The following VTI1A variants were observed in gnomAD, a reference collection of about 807,000 sequenced individuals.
The protein encoded by VTI1A is vesicle transport through interaction with t-SNAREs homolog 1A.
A neutral mutation model predicts 34.9 loss-of-function variants in VTI1A; 22 were observed. The observed-to-expected ratio is 0.63, with a 90% CI of 0.45 to 0.90. The LOEUF (loss-of-function observed/expected upper bound fraction) is 0.90, where lower values mean the gene tolerates loss of function less well. Among genes scored for constraint, VTI1A ranks in the 40% least tolerant of loss-of-function variants. The pLI is 0.00. For synonymous variants in VTI1A, 87 were observed against 97.3 expected, an observed-to-expected ratio of 0.89 and a Z score of 0.62; for missense variants, 268 against 275.6, an observed-to-expected ratio of 0.97 and a Z score of 0.20.
chr10:112,775,936 GTTAA>G (rs1429946099), intron 7 of VTI1A, among the ~76,000 whole-genome samples: 1 of 152,186 alleles, frequency 6.6e-6, no homozygotes, highest in East Asian at 1.9e-4. Context: ...ACAGTTCCTT[GTTAA>G]TTAATTTATA....
intron 5 of VTI1A, among the ~76,000 whole-genome samples, chr10:112,539,863 A>G (rs985379232): frequency 3.3e-5 from 5 of 152,244 alleles, no homozygotes; most frequent in Admixed American, 2.6e-4. Context: ...ACAGGCATTT[A>G]TCTTTATCTC....
At chr10:112,844,002 G>C in the VTI1A span, among the ~76,000 whole-genome samples, 2 of 152,148 alleles carry the variant, frequency 1.3e-5, no homozygotes, top group African/African-American at 4.8e-5. Context: ...GGGTGTTCAG[G>C]AGGAGGAAGG....
At chr10:112,589,232 G>A (rs771941593) in intron 5 of VTI1A, among the ~76,000 whole-genome samples, 12 of 151,938 alleles carry the variant, frequency 7.9e-5, no homozygotes, top group Non-Finnish European at 1.5e-4. Context: ...TTATTCCCAC[G>A]TGTTGTGGGA....
intron 3 of VTI1A, among the ~76,000 whole-genome samples, chr10:112,483,984 C>T (rs1848534195): frequency 6.6e-6 from 1 of 152,210 alleles, no homozygotes; most frequent in South Asian, 2.1e-4. Context: ...CTAAATCATG[C>T]TCCGTTATAG....
chr10:112,656,318 TAGA>T lies in VTI1A; in HGVS notation c.428-11895_428-11893del, dbSNP rs1264312868. ...TTATTCTCAGGGTTAGATAAATGAA[TAGA>T]AGAAATAACATTTTGTTGAAAAATT... is the stretch of plus-strand genomic sequence containing the variant. On this transcript the variant is annotated intron_variant, in intron 5 of 7. Coordinates refer to ENST00000393077, the MANE Select transcript of VTI1A (RefSeq NM_145206.4). Among the ~76,000 whole-genome samples the T allele has an allele frequency of 2.6e-5, 4 of 151,962 alleles. No homozygotes were observed. The South Asian group carries it at 8.3e-4, about 32-fold the overall frequency.
Position 112,548,935 on chromosome 10 carries a change from A to G in VTI1A, c.427+10605A>G, listed in dbSNP as rs1851240297. 6.7e-6 allele frequency: 5 copies of G among 748,194 alleles called. No homozygotes were observed. In the South Asian group the frequency reaches 8.4e-5, roughly 13 times the overall value. The allele number at this position is 748,194 out of a possible 1,614,324, so 46.3% of individuals were successfully genotyped here. A position where few individuals can be genotyped will look rare whatever the true frequency, so the allele number is the denominator to read the frequency against. On this transcript the variant is annotated intron_variant, in intron 5 of 7. Coordinates refer to ENST00000393077, the MANE Select transcript of VTI1A (RefSeq NM_145206.4). ...TCCACTGACATTTTCTTCTACTTCT[A>G]CCTCCTCCTCATAATTATATCTTTC...
chr10:112,632,076 TTAG>T (rs1328756406), intron 5 of VTI1A, among the ~76,000 whole-genome samples: 1 of 152,214 alleles, frequency 6.6e-6, no homozygotes, highest in African/African-American at 2.4e-5. Context: ...TTTCTCCAAG[TTAG>T]TGTCCATCAG....
At chr10:112,463,878 A>G (rs964419891) in intron 2 of VTI1A, among the ~76,000 whole-genome samples, 2 of 152,232 alleles carry the variant, frequency 1.3e-5, no homozygotes, top group African/African-American at 2.4e-5. Flanking sequence ...TTATCTTCCC[A>G]TAGTTGTGGA....
chr10:112,655,136 A>AC (rs1847183574), intron 5 of VTI1A, among the ~76,000 whole-genome samples: 2 of 151,576 alleles, frequency 1.3e-5, no homozygotes, highest in South Asian at 4.2e-4. Flanking sequence ...TTGTCCCTCC[A>AC]CCCCCCATAC....
intron 7 of VTI1A, among the ~76,000 whole-genome samples, chr10:112,799,665 A>G (rs888080940): frequency 2.0e-5 from 3 of 152,034 alleles, no homozygotes; most frequent in Admixed American, 2.0e-4. Flanking sequence ...CTGTTATCTG[A>G]TCGTTACCCC....
rs1007657040 is a variant in VTI1A at position 112,799,889 on chromosome 10, G to A, written c.561-15401G>A. ...AGCAGGGCACCCCTCCACCTGGGCTGGGGGGACTAGACAAGGAGCAGTGGC... is the reference window on the plus strand; with the variant it reads ...AGCAGGGCACCCCTCCACCTGGGCTAGGGGGACTAGACAAGGAGCAGTGGC... On this transcript the variant is annotated intron_variant, in intron 7 of 7. Transcript: ENST00000393077. Among the ~76,000 whole-genome samples, 14 of 152,228 alleles carry A rather than the reference G, an allele frequency of 9.2e-5. No individual in the cohort carries two copies. In the Middle Eastern group the frequency reaches 0.014, roughly 148 times the overall value.
At chr10:112,614,577 T>C (rs1192188863) in intron 5 of VTI1A, among the ~76,000 whole-genome samples, 1 of 152,208 alleles carries the variant, frequency 6.6e-6, no homozygotes, top group East Asian at 1.9e-4. Context: ...AGGGGGTTTG[T>C]TTTCTGTACC....
chr10:112,840,928 A>G, the VTI1A span, among the ~76,000 whole-genome samples: 296 of 152,266 alleles, frequency 1.9e-3, 1 homozygote, highest in Non-Finnish European at 2.9e-3. Flanking sequence ...AGAAGACTAA[A>G]TGAGCTAATT....
At position 112,798,544 on chromosome 10, in the gene VTI1A, C is replaced by T. The variant is rs1362074780; in HGVS notation, c.561-16746C>T. Among the ~76,000 whole-genome samples the T allele has an allele frequency of 2.6e-5, 4 of 152,092 alleles. No individual in the cohort carries two copies. In the East Asian group the frequency reaches 7.7e-4, roughly 29 times the overall value. ...TTTGACTTAGTCTGTATGAAGATCC[C>T]TCCTAATTCATGGGTGATTTTCCTA... On this transcript the variant is annotated intron_variant, in intron 7 of 7. Transcript: ENST00000393077.
At chr10:112,798,398 T>G (rs1298375379) in intron 7 of VTI1A, among the ~76,000 whole-genome samples, 1 of 152,142 alleles carries the variant, frequency 6.6e-6, no homozygotes, top group Non-Finnish European at 1.5e-5. Context: ...GTCTAGTAAC[T>G]AATTAGGGGG....
the VTI1A span, among the ~76,000 whole-genome samples, chr10:112,844,606 T>A: frequency 1.3e-5 from 2 of 152,208 alleles, no homozygotes; most frequent in African/African-American, 4.8e-5. Context: ...ACCATGTTGG[T>A]CTGGCTGGTC....
At chr10:112,490,839 C>T (rs931056551) in intron 3 of VTI1A, among the ~76,000 whole-genome samples, 3 of 151,996 alleles carry the variant, frequency 2.0e-5, no homozygotes, top group South Asian at 2.1e-4. Flanking sequence ...TGCTGGCAGC[C>T]GGGACCTGGC....
the VTI1A span, among the ~76,000 whole-genome samples, chr10:112,842,051 C>CTTTTTTTTTTTT: frequency 1.3e-3 from 85 of 66,608 alleles, no homozygotes; most frequent in Non-Finnish European, 1.9e-3. Context: ...TTTTTTTTTC[C>CTTTTTTTTTTTT]TTTTTTTTTT....
intron 7 of VTI1A, among the ~76,000 whole-genome samples, chr10:112,777,971 G>A (rs773231850): frequency 8.5e-5 from 13 of 152,092 alleles, no homozygotes; most frequent in Admixed American, 2.0e-4. Flanking sequence ...GCATGGTGGC[G>A]CATGCATGTA....
Sources: gnomAD v4.1 joint callset for allele counts (sites outside exome capture counted in the v4.1 genomes callset) on GRCh38, gnomAD v4.1.1 for gene constraint, MANE v1.5 for transcripts, NCBI Gene and HGNC (gene_info 2026-07-23, HGNC 2026-07-21) for gene names.